The following ITGA3 variants were observed in gnomAD, a reference collection of about 807,000 sequenced individuals.
The protein encoded by ITGA3 is integrin alpha-3.
ITGA3 carries 70 observed loss-of-function variants against 131.1 expected under a neutral mutation model. The ratio of observed to expected loss-of-function variants is 0.53; its 90% CI spans 0.44 to 0.65. The LOEUF (loss-of-function observed/expected upper bound fraction) is 0.65, where lower values mean the gene tolerates loss of function less well. ITGA3 is among the 30% of genes least tolerant of loss of function. The probability of loss-of-function intolerance (pLI) is 0.00; values close to 1 mark genes in which losing one functional copy is unlikely to be tolerated. For missense variants in ITGA3, 1,098 were observed against 1,388.6 expected, an observed-to-expected ratio of 0.79 and a Z score of 3.33; for synonymous variants, 537 against 571.6, an observed-to-expected ratio of 0.94 and a Z score of 0.86.
intron 1 of ITGA3, among the ~76,000 whole-genome samples, chr17:50,059,595 G>A (rs1907983803): frequency 1.3e-5 from 2 of 152,212 alleles, no homozygotes; most frequent in Admixed American, 6.5e-5. Flanking sequence ...AGGCCTGCTC[G>A]TGTAGTATCT....
Position 50,090,111 on chromosome 17 carries a change from CAG to C in ITGA3, c.*1039_*1040del, listed in dbSNP as rs138312887. 3,202 of 389,890 alleles carry C rather than the reference CAG, an allele frequency of 8.2e-3. 87 individuals carry two copies. Among genetic ancestry groups the C allele is most frequent in the African/African-American group, 0.059 (2,865 of 48,414 alleles). 24.2% of individuals were successfully genotyped at this position (389,890 alleles called of 1,614,324 possible). The stretch of plus-strand genomic sequence containing the variant: ...ACTACCAGCCAGCCTCAGAAGGCCC[CAG>C]AGAGACCCTGCAAGACCACGGAGGG... On this transcript the variant is annotated 3_prime_UTR_variant, in exon 26 of 26. Transcript: ENST00000320031.
At position 50,064,498 on chromosome 17, in the gene ITGA3, T is replaced by A. The variant is rs116427950; in HGVS notation, c.335-30T>A. On this transcript the variant is annotated intron_variant, in intron 2 of 25. Coordinates refer to ENST00000320031, the MANE Select transcript of ITGA3 (RefSeq NM_002204.4). The surrounding 1 kb of genome is among the most constrained non-coding windows in gnomAD (Gnocchi z 4.4). Reference sequence around the variant, plus strand: ...GGGCACTGAAGTATGGGTGAGGTGCTCTGATTCATGATCCTTCCGGTGCCC... The same window carrying A: ...GGGCACTGAAGTATGGGTGAGGTGCACTGATTCATGATCCTTCCGGTGCCC... 2,553 of 1,595,520 alleles carry A rather than the reference T, an allele frequency of 1.6e-3. 44 individuals are homozygous for A. In the African/African-American group the frequency reaches 0.03, roughly 19 times the overall value.
In ITGA3 at chr17:50,066,318, C is replaced by CT. The variant is rs112713558; in HGVS notation, c.415-1724dup. On this transcript the variant is annotated intron_variant, in intron 3 of 25. Transcript: ENST00000320031. ...TGTGGCCCCATTTTTCTTTTTCTTTCTTTTTTTTTTTTTTCTCTTAGAGAT... is the reference window on the plus strand; with the variant it reads ...TGTGGCCCCATTTTTCTTTTTCTTTCTTTTTTTTTTTTTTTCTCTTAGAGAT... Among the ~76,000 whole-genome samples, 96 of 138,318 alleles carry CT rather than the reference C, an allele frequency of 6.9e-4. 1 individual carries two copies. Among genetic ancestry groups the CT allele is most frequent in the East Asian group, 1.9e-3 (9 of 4,728 alleles). The allele number at this position is 138,318 out of a possible 152,430, so 90.7% of individuals were successfully genotyped here. A position where few individuals can be genotyped will look rare whatever the true frequency, so the allele number is the denominator to read the frequency against.
At chr17:50,058,219 C>T (rs1854060413) in intron 1 of ITGA3, among the ~76,000 whole-genome samples, 1 of 152,238 alleles carries the variant, frequency 6.6e-6, no homozygotes, top group African/African-American at 2.4e-5. Context: ...GGACCTGGAT[C>T]TAGTGCTCTT....
rs1372874252 is a variant in ITGA3, at chr17:50,085,997, T to G, written c.2920-1747T>G. On this transcript the variant is annotated intron_variant, in intron 23 of 25. Coordinates refer to ENST00000320031, the MANE Select transcript of ITGA3 (RefSeq NM_002204.4). ...TTATAGATTTATAATATATATTAGA[T>G]TATACATATTATAGATTTATAATAT... Among the ~76,000 whole-genome samples, 9 of 99,232 alleles carry G rather than the reference T, an allele frequency of 9.1e-5. 1 individual carries two copies. The highest frequency in any genetic ancestry group is 3.3e-4 in the African/African-American group (8 of 24,256). The allele number at this position is 99,232 out of a possible 152,430, so 65.1% of individuals were successfully genotyped here. A position where few individuals can be genotyped will look rare whatever the true frequency, so the allele number is the denominator to read the frequency against.
rs376061391 is a variant in ITGA3 at position 50,061,732 on chromosome 17, A to G, written c.207-2345A>G. 7.9e-5 allele frequency among the ~76,000 whole-genome samples: 12 copies of G among 152,278 alleles called. No homozygotes were observed. The East Asian group carries it at 2.3e-3, about 29-fold the overall frequency. On this transcript the variant is annotated intron_variant, in intron 1 of 25. Transcript: ENST00000320031. ...TTCCCTCTGCTCCAGGTTCCCTAACATGCCAGGGCAGAAATTCCTGGGTCC... is the reference window on the plus strand; with the variant it reads ...TTCCCTCTGCTCCAGGTTCCCTAACGTGCCAGGGCAGAAATTCCTGGGTCC...
At chr17:50,065,212 G>T (rs970408178) in intron 3 of ITGA3, 2 of 152,208 alleles carry the variant, frequency 1.3e-5, no homozygotes, top group African/African-American at 4.8e-5. Context: ...AAGAGTTCTG[G>T]TTAAGGCTTG....
intron 1 of ITGA3, chr17:50,063,813 G>T (rs1908200402): frequency 4.1e-6 from 2 of 492,944 alleles, no homozygotes; most frequent in Non-Finnish European, 7.3e-6. Flanking sequence ...ACTCAGATTA[G>T]GTCACCTCTT....
rs1907846147 is a variant in ITGA3 at position 50,056,741 on chromosome 17, T to C, written c.206+96T>C. The C allele has an allele frequency of 1.5e-6, 2 of 1,290,544 alleles. No homozygotes were observed. The highest frequency in any genetic ancestry group is 2.1e-6 in the Non-Finnish European group (2 of 941,334). The allele number at this position is 1,290,544 out of a possible 1,614,324, so 79.9% of individuals were successfully genotyped here. Reference sequence around the variant, plus strand: ...AGTCGGAGCCCAGGGCAGCTGGCCCTTGGGAGCCAGGATTAAGGGGCGGCC... The same window carrying C: ...AGTCGGAGCCCAGGGCAGCTGGCCCCTGGGAGCCAGGATTAAGGGGCGGCC... On this transcript the variant is annotated intron_variant, in intron 1 of 25. Coordinates refer to ENST00000320031, the MANE Select transcript of ITGA3 (RefSeq NM_002204.4). This position sits in a 1 kb window ranked among gnomAD's most constrained non-coding sequence, Gnocchi z 5.6.
intron 19 of ITGA3, 63 bp from the exon 20 acceptor site, chr17:50,079,013 G>C (rs531771729): frequency 6.5e-7 from 1 of 1,541,482 alleles, no homozygotes; most frequent in East Asian, 2.2e-5. Context: ...GGAGGGTTGG[G>C]GGTTGGTAAG....
chr17:50,061,044 C>G (rs1908053396), intron 1 of ITGA3, among the ~76,000 whole-genome samples: 1 of 152,198 alleles, frequency 6.6e-6, no homozygotes, highest in South Asian at 2.1e-4. Flanking sequence ...AGGCCTCTGG[C>G]TGTAGACCCA....
At position 50,056,781 on chromosome 17, in the gene ITGA3, G is replaced by T; in HGVS notation, c.206+136G>T. On this transcript the variant is annotated intron_variant, in intron 1 of 25. Transcript: ENST00000320031. The surrounding 1 kb of genome is among the most constrained non-coding windows in gnomAD (Gnocchi z 5.6). ...AAGGGGCGGCCCTCTGGCTGCTGGG[G>T]GTTGGCGGGAAGTGGAGGATTGGGT... 1.1e-6 allele frequency: 1 copy of T among 880,588 alleles called. No individual in the cohort carries two copies. Among genetic ancestry groups the T allele is most frequent in the South Asian group, 1.7e-5 (1 of 57,358 alleles). 54.5% of individuals were successfully genotyped at this position (880,588 alleles called of 1,614,324 possible). A position where few individuals can be genotyped will look rare whatever the true frequency, so the allele number is the denominator to read the frequency against.
chr17:50,078,879 A>G lies in ITGA3; in HGVS notation c.2353A>G (p.Met785Val). The G allele has an allele frequency of 6.2e-7, 1 of 1,613,706 alleles. No individual in the cohort carries two copies. The highest frequency in any genetic ancestry group is 8.5e-7 in the Non-Finnish European group (1 of 1,179,612). The stretch of plus-strand genomic sequence containing the variant: ...GGGGACAGTGATGGGTGAGTCTGGC[A>G]TGAAAACTGTGGAGGATGTAGGAAG... ...FGGTVMGESG[M>V]KTVEDVGSPL... Residue 785 changes from methionine to valine, a missense_variant, in exon 19 of 26, where the codon ATG (methionine) becomes GTG (valine). Physicochemically the swap from Met to Val is conservative, Grantham distance 21. Around this residue, in one of 3 missense-constraint regions of ITGA3, gnomAD observed 699 missense variants for 829.2 expected, o/e 0.84. Transcript: ENST00000320031.
chr17:50,060,465 G>A (rs956374729), intron 1 of ITGA3, among the ~76,000 whole-genome samples: 3 of 152,198 alleles, frequency 2.0e-5, no homozygotes, highest in African/African-American at 7.2e-5. Flanking sequence ...TTTCTCCTTG[G>A]CTGTTCCATT....
chr17:50,056,267 C>A lies in ITGA3; in HGVS notation c.-173C>A. ...CGGATCTTAGGAAGGGATCCGAGAG[C>A]GCAGCTGTGAAACTGGCTGGGGCTG... On this transcript the variant is annotated 5_prime_UTR_variant, in exon 1 of 26. Transcript: ENST00000320031. This position sits in a 1 kb window ranked among gnomAD's most constrained non-coding sequence, Gnocchi z 5.6. 2.0e-6 allele frequency: 1 copy of A among 492,190 alleles called. No individual in the cohort carries two copies. Among genetic ancestry groups the A allele is most frequent in the Non-Finnish European group, 3.5e-6 (1 of 284,414 alleles). The allele number at this position is 492,190 out of a possible 1,614,324, so 30.5% of individuals were successfully genotyped here. A position where few individuals can be genotyped will look rare whatever the true frequency, so the allele number is the denominator to read the frequency against.
At chr17:50,061,088 AG>A (rs1908055297) in intron 1 of ITGA3, among the ~76,000 whole-genome samples, 1 of 151,816 alleles carries the variant, frequency 6.6e-6, no homozygotes, top group South Asian at 2.1e-4. Context: ...AGGGCCTTAA[AG>A]GGCCTCTGAG....
intron 3 of ITGA3, among the ~76,000 whole-genome samples, chr17:50,066,963 C>T (rs1001196168): frequency 2.0e-5 from 3 of 152,174 alleles, no homozygotes; most frequent in African/African-American, 7.2e-5. Flanking sequence ...ATTTCTGTCA[C>T]CTTTGAACAC....
intron 6 of ITGA3, 45 bp downstream of exon 6, chr17:50,071,563 C>CG: frequency 1.3e-6 from 2 of 1,516,172 alleles, no homozygotes; most frequent in Non-Finnish European, 1.8e-6. Flanking sequence ...GAGCGATGGG[C>CG]GGGGGAAGGC....
At chr17:50,088,824 G>A (rs750143447) in intron 25 of ITGA3, among the ~76,000 whole-genome samples, 30 of 152,220 alleles carry the variant, frequency 2.0e-4, no homozygotes, top group Non-Finnish European at 4.0e-4. Flanking sequence ...TGTGGTCAGG[G>A]TAGACTGCCC....
Sources: gnomAD v4.1 joint callset for allele counts (sites outside exome capture counted in the v4.1 genomes callset) on GRCh38, gnomAD v4.1.1 for gene constraint, gnomAD v4.1.1 regional missense constraint, Gnocchi (gnomAD v3.1) non-coding constraint, MANE v1.5 for transcripts, NCBI Gene and HGNC (gene_info 2026-07-23, HGNC 2026-07-21) for gene names.